RYR3: variants seen among roughly 807,000 people sequenced by gnomAD.
RYR3 encodes the protein ryanodine receptor 3, also known as brain ryanodine receptor-calcium release channel.
RYR3 carries 207 observed loss-of-function variants against 584.3 expected under a neutral mutation model. The observed-to-expected ratio is 0.35, with a 90% CI of 0.32 to 0.40. The LOEUF is 0.40. Ranked by LOEUF, RYR3 falls within the 10% of genes least tolerant of loss-of-function variation. RYR3 has a pLI of 1.00. For synonymous variants in RYR3, 2,416 were observed against 2,248.5 expected (o/e 1.07, Z -2.11); for missense variants, 5,616 against 6,089.2 (o/e 0.92, Z 2.59).
intron 16 of RYR3, among the ~76,000 whole-genome samples, chr15:33,598,438 G>A (rs1452307369): frequency 2.6e-5 from 4 of 151,546 alleles, no homozygotes; most frequent in African/African-American, 4.9e-5. Flanking sequence ...GACAAATGCT[G>A]CTAAACTAAC....
chr15:33,713,516 T>G (rs2067270473), intron 43 of RYR3, among the ~76,000 whole-genome samples: 1 of 143,292 alleles, frequency 7.0e-6, no homozygotes, highest in Non-Finnish European at 1.6e-5. Flanking sequence ...ATGATGGGGG[T>G]GGTGAGGGTT....
intron 1 of RYR3, among the ~76,000 whole-genome samples, chr15:33,434,651 A>G (rs1250196421): frequency 6.6e-6 from 1 of 152,170 alleles, no homozygotes; most frequent in African/African-American, 2.4e-5. Flanking sequence ...CTTGCTATTC[A>G]GCTAAAGTAA....
At chr15:33,816,834 T>C in intron 74 of RYR3, 28 bp from the exon 75 acceptor site, 1 of 1,492,054 alleles carries the variant, frequency 6.7e-7, no homozygotes, top group Non-Finnish European at 9.3e-7. Flanking sequence ...GGATCCCTCT[T>C]GACCTCCCTC....
At chr15:33,562,673 G>A (rs1323439848) in intron 10 of RYR3, among the ~76,000 whole-genome samples, 164 bp from the exon 11 acceptor site, 1 of 152,132 alleles carries the variant, frequency 6.6e-6, no homozygotes, top group Non-Finnish European at 1.5e-5. Flanking sequence ...CAAGCGATAA[G>A]GGAAACAAGT....
intron 1 of RYR3, among the ~76,000 whole-genome samples, chr15:33,459,388 T>C (rs1435545542): frequency 6.6e-6 from 1 of 152,076 alleles, no homozygotes; most frequent in Non-Finnish European, 1.5e-5. Context: ...GAGACTTAAT[T>C]CTCAAAGTCT....
intron 10 of RYR3, among the ~76,000 whole-genome samples, chr15:33,554,982 C>G (rs1002543972): frequency 6.6e-6 from 1 of 152,122 alleles, no homozygotes; most frequent in Non-Finnish European, 1.5e-5. Context: ...ATGACTACAC[C>G]ATACATCTTG....
chr15:33,865,341 A>AAAAAAAAAACTGCTGAAAATCTGTGCT lies in RYR3; in HGVS notation c.*117_*143dup. The AAAAAAAAAACTGCTGAAAATCTGTGCT allele has an allele frequency of 1.6e-6, 1 of 614,934 alleles. No individual in the cohort carries two copies. The highest frequency in any genetic ancestry group is 2.6e-5 in the South Asian group (1 of 39,004). The allele number at this position is 614,934 out of a possible 1,614,324, so 38.1% of individuals were successfully genotyped here. A position where few individuals can be genotyped will look rare whatever the true frequency, so the allele number is the denominator to read the frequency against. On this transcript the variant is annotated 3_prime_UTR_variant, in exon 104 of 104. Transcript: ENST00000634891. ...GTGACATTTTCTAAATGCCTCCCTTAAAAAAAAAACTGCTGAAAATCTGTG... is the reference window on the plus strand; with the variant it reads ...GTGACATTTTCTAAATGCCTCCCTTAAAAAAAAAACTGCTGAAAATCTGTGCTAAAAAAAAACTGCTGAAAATCTGTG...
chr15:33,606,652 T>C (rs1345619342), intron 18 of RYR3, among the ~76,000 whole-genome samples: 1 of 152,180 alleles, frequency 6.6e-6, no homozygotes, highest in Non-Finnish European at 1.5e-5. Context: ...TGTGATCTTC[T>C]CTTTGGAGGA....
intron 9 of RYR3, among the ~76,000 whole-genome samples, chr15:33,548,953 C>T (rs2056459983): frequency 6.6e-6 from 1 of 152,108 alleles, no homozygotes; most frequent in African/African-American, 2.4e-5. Context: ...AAAATATGTT[C>T]AAAATAAGTC....
rs954316000 is a variant in RYR3, at chr15:33,827,220, C to T, written c.11267C>T (p.Thr3756Ile). The change falls in exon 85 of 104, where the codon ACT (threonine) becomes ATT (isoleucine). Residue 3756 changes from threonine (T) to isoleucine (I), a missense_variant. By Grantham distance (89) the Thr-to-Ile change is moderately conservative (BLOSUM62 -1). Coordinates refer to ENST00000634891, the MANE Select transcript of RYR3 (RefSeq NM_001036.6). ...TCAGACTTTCAGAACTTCCTGCGGA[C>T]TCAGATGGGCAACACCACCACCGTG... Reference protein sequence around the residue: ...HNSDFQNFLRTQMGNTTTVNV... With the variant: ...HNSDFQNFLRIQMGNTTTVNV... 3 of 1,551,878 alleles carry T rather than the reference C, an allele frequency of 1.9e-6. No individual in the cohort carries two copies. The highest frequency in any genetic ancestry group is 2.6e-6 in the Non-Finnish European group (3 of 1,147,218).
intron 57 of RYR3, among the ~76,000 whole-genome samples, chr15:33,751,137 A>G (rs1596427146): frequency 6.6e-6 from 1 of 152,024 alleles, no homozygotes; most frequent in African/African-American, 2.4e-5. Context: ...TCTATCATTA[A>G]TGGGCATTTG....
chr15:33,356,994 T>C (rs1046284438), intron 1 of RYR3, among the ~76,000 whole-genome samples: 4 of 152,200 alleles, frequency 2.6e-5, no homozygotes, highest in Admixed American at 6.5e-5. Flanking sequence ...TGCTCTGTTC[T>C]CTTGGAAGGG....
intron 47 of RYR3, among the ~76,000 whole-genome samples, chr15:33,729,651 G>C (rs1053870792): frequency 1.3e-5 from 2 of 152,058 alleles, no homozygotes; most frequent in Non-Finnish European, 2.9e-5. Flanking sequence ...CAAACATCAA[G>C]AGAGGAGGCC....
At chr15:33,385,541 AAC>A (rs1235771026) in intron 1 of RYR3, among the ~76,000 whole-genome samples, 1 of 152,164 alleles carries the variant, frequency 6.6e-6, no homozygotes, top group Admixed American at 6.5e-5. Context: ...GTTAAAAACA[AAC>A]AAACAAAAAC....
At chr15:33,444,784 C>T (rs2046491489) in intron 1 of RYR3, among the ~76,000 whole-genome samples, 1 of 152,062 alleles carries the variant, frequency 6.6e-6, no homozygotes. Flanking sequence ...AGGCTTGCCA[C>T]GTTCAAGGAG....
intron 1 of RYR3, among the ~76,000 whole-genome samples, chr15:33,447,535 C>T (rs1226002697): frequency 1.3e-5 from 2 of 152,278 alleles, no homozygotes; most frequent in African/African-American, 4.8e-5. Flanking sequence ...TCAGAGCAGG[C>T]ATTGGGTTGT....
chr15:33,707,913 G>A (rs1187192474), intron 43 of RYR3, among the ~76,000 whole-genome samples: 3 of 152,082 alleles, frequency 2.0e-5, no homozygotes, highest in Non-Finnish European at 2.9e-5. Context: ...CATTTCACCT[G>A]CTTACTTTTC....
Position 33,613,503 on chromosome 15 carries a change from T to G in RYR3, c.2357+128T>G. On this transcript the variant is annotated intron_variant, in intron 19 of 103. Coordinates refer to ENST00000634891, the MANE Select transcript of RYR3 (RefSeq NM_001036.6). ...TGAACTAAGTTCCCCAGGACAGTGA[T>G]GGTGCAAGGGCAAGAGCCAACTAGA... is the stretch of plus-strand genomic sequence containing the variant. The G allele has an allele frequency of 5.1e-6, 5 of 980,592 alleles. 1 individual carries two copies. The South Asian group carries it at 8.7e-5, about 17-fold the overall frequency. 60.7% of individuals were successfully genotyped at this position (980,592 alleles called of 1,614,324 possible). A position where few individuals can be genotyped will look rare whatever the true frequency, so the allele number is the denominator to read the frequency against.
Position 33,767,706 on chromosome 15 carries a change from CT to C in RYR3, c.8706-946del, listed in dbSNP as rs552343863. Reference sequence around the variant, plus strand: ...GGGACCCCGTGGCCTATCCAGGTGGCTTTTTTCTCTCTTCTTTTTTCCCTCT... The same window carrying C: ...GGGACCCCGTGGCCTATCCAGGTGGCTTTTTCTCTCTTCTTTTTTCCCTCT... On this transcript the variant is annotated intron_variant, in intron 60 of 103. Coordinates refer to ENST00000634891, the MANE Select transcript of RYR3 (RefSeq NM_001036.6). Among the ~76,000 whole-genome samples, 276 of 152,270 alleles carry C rather than the reference CT, an allele frequency of 1.8e-3. 3 individuals are homozygous for C. The highest frequency in any genetic ancestry group is 6.2e-3 in the African/African-American group (256 of 41,560).
Sources: allele counts gnomAD v4.1 joint callset (sites outside exome capture counted in the v4.1 genomes callset), GRCh38; gene constraint gnomAD v4.1.1; transcripts MANE v1.5; gene names NCBI Gene and HGNC (gene_info 2026-07-23, HGNC 2026-07-21).